The following ZNF529 variants were observed in gnomAD, a reference collection of about 807,000 sequenced individuals.
ZNF529 encodes the protein zinc finger protein 529.
In ZNF529, 11 loss-of-function variants were observed where a neutral mutation model predicts 10.1. That is an observed-to-expected ratio of 1.09 (90% CI 0.69 to 1.81). ZNF529 has a LOEUF of 1.81. Ranked by LOEUF, ZNF529 falls within the 40% of genes most tolerant of loss-of-function variation. ZNF529 has a pLI of 0.00. For missense variants in ZNF529, 624 were observed against 666.8 expected (o/e 0.94, Z 0.71); for synonymous variants, 204 against 215.7 (o/e 0.95, Z 0.47).
chr19:36,577,718 G>C (rs1227648407), upstream of ZNF529: 2 of 152,518 alleles, frequency 1.3e-5, no homozygotes, highest in African/African-American at 4.8e-5. Context: ...CTGGGCTCAA[G>C]TGATCCTCCT....
intron 1 of ZNF529, among the ~76,000 whole-genome samples, chr19:36,590,679 C>T (rs573442154): frequency 2.0e-5 from 3 of 152,240 alleles, no homozygotes; most frequent in East Asian, 3.9e-4. Flanking sequence ...CCTGTAATCC[C>T]AGTACTTTGG....
intron 2 of ZNF529, among the ~76,000 whole-genome samples, chr19:36,586,497 C>T (rs751609501): frequency 5.9e-5 from 9 of 151,786 alleles, no homozygotes; most frequent in Non-Finnish European, 1.2e-4. Context: ...CCCAGCTACT[C>T]GGGAGGCTGA....
At chr19:36,565,525 AC>A (rs2035863646) in intron 2 of ZNF529, among the ~76,000 whole-genome samples, 1 of 152,116 alleles carries the variant, frequency 6.6e-6, no homozygotes, top group East Asian at 1.9e-4. Flanking sequence ...ACATGGTGAA[AC>A]CCCATCTCTA....
At chr19:36,589,243 G>T (rs1373642976) in intron 2 of ZNF529, among the ~76,000 whole-genome samples, 2 of 152,118 alleles carry the variant, frequency 1.3e-5, no homozygotes, top group African/African-American at 2.4e-5. Flanking sequence ...AGCCCAGCTG[G>T]TCAGAAGTTC....
chr19:36,557,599 CAT>C (rs1259728351), intron 2 of ZNF529, among the ~76,000 whole-genome samples: 1 of 152,200 alleles, frequency 6.6e-6, no homozygotes, highest in Non-Finnish European at 1.5e-5. Context: ...CTGCCCTTGA[CAT>C]GTGGGGATTA....
intron 2 of ZNF529, among the ~76,000 whole-genome samples, chr19:36,566,291 A>G (rs1365336224): frequency 6.6e-6 from 1 of 152,212 alleles, no homozygotes; most frequent in Non-Finnish European, 1.5e-5. Context: ...TGTAAATGTA[A>G]AATATTCACT....
chr19:36,553,080 CAAT>C lies in ZNF529; in HGVS notation c.235+1587_235+1589del, dbSNP rs906127746. On this transcript the variant is annotated intron_variant, in intron 4 of 4. Coordinates refer to ENST00000591340, the MANE Select transcript of ZNF529 (RefSeq NM_020951.5). Reference sequence around the variant, plus strand: ...GTTGTAAGCAACCTCTTCTGTACAACAATAATAGAAATAGCACTTATATCACAG... The same window carrying C: ...GTTGTAAGCAACCTCTTCTGTACAACAATAGAAATAGCACTTATATCACAG... Among the ~76,000 whole-genome samples the C allele has an allele frequency of 9.2e-5, 14 of 152,250 alleles. 1 individual carries two copies. The highest frequency in any genetic ancestry group is 7.8e-4 in the Admixed American group (12 of 15,288).
chr19:36,560,056 C>T (rs560927912), intron 2 of ZNF529, among the ~76,000 whole-genome samples: 2 of 151,874 alleles, frequency 1.3e-5, no homozygotes, highest in South Asian at 2.1e-4. Context: ...GTTGGGAGTT[C>T]GAGACCAGCC....
intron 2 of ZNF529, among the ~76,000 whole-genome samples, chr19:36,560,713 TATATAGGAGTAA>T (rs2035659067): frequency 6.6e-6 from 1 of 152,162 alleles, no homozygotes; most frequent in African/African-American, 2.4e-5. Flanking sequence ...AAATAAGAGT[TATATAGGAGTAA>T]ATTTCTCTAT....
Position 36,572,322 on chromosome 19 carries a change from A to AG in ZNF529, c.14+10_14+11insC, listed in dbSNP as rs1198673725. The AG allele has an allele frequency of 6.4e-7, 1 of 1,551,086 alleles. No individual in the cohort carries two copies. The highest frequency in any genetic ancestry group is 8.7e-7 in the Non-Finnish European group (1 of 1,146,856). On this transcript the variant is annotated intron_variant, in intron 2 of 4. Coordinates refer to ENST00000591340, the MANE Select transcript of ZNF529 (RefSeq NM_020951.5). The stretch of plus-strand genomic sequence containing the variant: ...AAGGGACCAGGTAAATGAACAAAAA[A>AG]AAAAACTAACCTTGAGTTGGCCATT...
intron 1 of ZNF529, among the ~76,000 whole-genome samples, chr19:36,602,052 A>ATT (rs35443863): frequency 0.37 from 53,414 of 145,416 alleles, 10,500 homozygotes; most frequent in African/African-American, 0.53. Context: ...GAACGCTACA[A>ATT]TTTTTTTTTT....
chr19:36,557,880 A>G (rs1257378693), intron 2 of ZNF529, among the ~76,000 whole-genome samples: 1 of 152,242 alleles, frequency 6.6e-6, no homozygotes, highest in Non-Finnish European at 1.5e-5. Context: ...AAAGACTTCA[A>G]ATTATACATT....
At chr19:36,561,139 G>C (rs1412484679) in intron 2 of ZNF529, among the ~76,000 whole-genome samples, 1 of 152,122 alleles carries the variant, frequency 6.6e-6, no homozygotes, top group Non-Finnish European at 1.5e-5. Context: ...ATGGTTTCCA[G>C]GGAAGGGCGT....
intron 3 of ZNF529, 137 bp downstream of exon 3, chr19:36,555,967 A>T: frequency 1.3e-6 from 1 of 766,344 alleles, no homozygotes; most frequent in Non-Finnish European, 2.1e-6. Flanking sequence ...CAGGAGGGAC[A>T]CTGTGCTGTT....
intron 2 of ZNF529, among the ~76,000 whole-genome samples, chr19:36,583,481 C>G (rs534316509): frequency 3.3e-5 from 5 of 151,662 alleles, no homozygotes; most frequent in African/African-American, 1.2e-4. Context: ...TAATCCAGGG[C>G]ACATGAAAAA....
intron 1 of ZNF529, among the ~76,000 whole-genome samples, chr19:36,591,041 G>A (rs968019367): frequency 9.2e-5 from 14 of 151,696 alleles, no homozygotes; most frequent in African/African-American, 3.4e-4. Context: ...TTAGATATTA[G>A]AAGTCTAACA....
intron 2 of ZNF529, among the ~76,000 whole-genome samples, chr19:36,583,317 A>G (rs1172243917): frequency 1.3e-5 from 2 of 152,206 alleles, no homozygotes; most frequent in Non-Finnish European, 2.9e-5. Context: ...TTGGCCTCCC[A>G]AAGTGCTGAG....
chr19:36,592,543 G>A (rs532246866), intron 1 of ZNF529, among the ~76,000 whole-genome samples: 34 of 149,866 alleles, frequency 2.3e-4, no homozygotes, highest in African/African-American at 4.7e-4. Context: ...GCAGTGAGCC[G>A]AGATCACGCC....
intron 2 of ZNF529, among the ~76,000 whole-genome samples, chr19:36,561,248 C>G (rs945042628): frequency 2.6e-5 from 4 of 152,204 alleles, no homozygotes. Context: ...GTAGTTGTGG[C>G]TCCAGTGGGC....
Sources: allele counts gnomAD v4.1 joint callset (sites outside exome capture counted in the v4.1 genomes callset), GRCh38; gene constraint gnomAD v4.1.1; transcripts MANE v1.5; gene names NCBI Gene and HGNC (gene_info 2026-07-23, HGNC 2026-07-21).